PAK2: variants seen among roughly 807,000 people sequenced by gnomAD.
The protein encoded by PAK2 is serine/threonine-protein kinase PAK 2.
A neutral mutation model predicts 65.9 loss-of-function variants in PAK2; 21 were observed. The ratio of observed to expected loss-of-function variants is 0.32; its 90% confidence interval spans 0.23 to 0.46. The LOEUF is 0.46. Among genes scored for constraint, PAK2 ranks in the 20% least tolerant of loss-of-function variants. The probability of loss-of-function intolerance (pLI) is 1.00; values close to 1 mark genes in which losing one functional copy is unlikely to be tolerated. For missense variants in PAK2, 324 were observed against 642.6 expected, an observed-to-expected ratio of 0.50 and a Z score of 5.36; for synonymous variants, 204 against 219.7, an observed-to-expected ratio of 0.93 and a Z score of 0.63.
In PAK2 at chr3:196,791,561, CCTT is replaced by C. The variant is rs530823471; in HGVS notation, c.187+8732_187+8734del. Among the ~76,000 whole-genome samples, 4 of 152,130 alleles carry C rather than the reference CCTT, an allele frequency of 2.6e-5. No homozygotes were observed. The South Asian group carries it at 8.3e-4, about 31-fold the overall frequency. ...TCTTGCTAGATATGTTATCTCTCACCCTTCTTTTTATATTTTTTTCTTATTTTA... is the reference window on the plus strand; with the variant it reads ...TCTTGCTAGATATGTTATCTCTCACCCTTTTTATATTTTTTTCTTATTTTA... On this transcript the variant is annotated intron_variant, in intron 2 of 14. Coordinates refer to ENST00000327134, the MANE Select transcript of PAK2 (RefSeq NM_002577.4). This position sits in a 1 kb window ranked among gnomAD's most constrained non-coding sequence, Gnocchi z 4.0.
chr3:196,779,816 G>A (rs879898440), intron 1 of PAK2, among the ~76,000 whole-genome samples: 5 of 152,114 alleles, frequency 3.3e-5, no homozygotes, highest in African/African-American at 7.2e-5. Context: ...GACTACAGGC[G>A]TGCGCCACCA....
intron 3 of PAK2, 146 bp from the exon 4 acceptor site, chr3:196,802,871 C>A: frequency 3.8e-6 from 2 of 520,444 alleles, no homozygotes; most frequent in South Asian, 6.6e-5. Flanking sequence ...AAAAAATAGA[C>A]CTTTAGAAAA....
chr3:196,807,164 AAG>A (rs1419032074), intron 6 of PAK2, among the ~76,000 whole-genome samples: 1 of 152,180 alleles, frequency 6.6e-6, no homozygotes, highest in African/African-American at 2.4e-5. Context: ...TGGAGCCAGG[AAG>A]AGAGGAATGA....
At position 196,824,727 on chromosome 3, in the gene PAK2, TC is replaced by T. The variant is rs1711772270; in HGVS notation, c.1351-2466del. Among the ~76,000 whole-genome samples the T allele has an allele frequency of 2.6e-5, 4 of 151,838 alleles. No individual in the cohort carries two copies. In the South Asian group the frequency reaches 8.3e-4, roughly 32 times the overall value. ...TAGGCACGGTGGTGCACACCTGTAG[TC>T]CCTGCTGCTTGAAAGGCTGAAGCAG... is the stretch of plus-strand genomic sequence containing the variant. On this transcript the variant is annotated intron_variant, in intron 13 of 14. Coordinates refer to ENST00000327134, the MANE Select transcript of PAK2 (RefSeq NM_002577.4).
chr3:196,825,247 G>A (rs1421310549), intron 13 of PAK2, among the ~76,000 whole-genome samples: 3 of 151,792 alleles, frequency 2.0e-5, no homozygotes, highest in African/African-American at 7.3e-5. Flanking sequence ...TCGGGAGGCT[G>A]AGCTGCAAGA....
intron 2 of PAK2, among the ~76,000 whole-genome samples, chr3:196,784,223 C>CTTTTTTTTT (rs869153119): frequency 8.5e-6 from 1 of 117,748 alleles, no homozygotes; most frequent in Non-Finnish European, 1.9e-5. Context: ...TTTTTTTTTT[C>CTTTTTTTTT]TTTTTTTTTT....
chr3:196,743,342 A>C (rs570812144), intron 1 of PAK2, among the ~76,000 whole-genome samples: 5 of 152,232 alleles, frequency 3.3e-5, no homozygotes, highest in Admixed American at 1.3e-4. Flanking sequence ...TTGCTGTTCT[A>C]CTTTACCCTG....
intron 1 of PAK2, among the ~76,000 whole-genome samples, chr3:196,769,772 A>T (rs975159838): frequency 6.6e-6 from 1 of 151,852 alleles, no homozygotes; most frequent in African/African-American, 2.4e-5. Flanking sequence ...AGCTGAGATC[A>T]TGCCACTGCA....
At chr3:196,745,202 C>T (rs1394952692) in intron 1 of PAK2, among the ~76,000 whole-genome samples, 2 of 151,198 alleles carry the variant, frequency 1.3e-5, no homozygotes. Context: ...GCAACTTCCG[C>T]CTCCCGGGTT....
chr3:196,774,031 C>CA (rs951178196), intron 1 of PAK2, among the ~76,000 whole-genome samples: 32 of 151,110 alleles, frequency 2.1e-4, no homozygotes, highest in South Asian at 8.4e-4. Context: ...GACTCCGTCT[C>CA]AAAAAAAAAC....
At chr3:196,745,017 T>C (rs1164322650) in intron 1 of PAK2, among the ~76,000 whole-genome samples, 1 of 152,122 alleles carries the variant, frequency 6.6e-6, no homozygotes, top group Non-Finnish European at 1.5e-5. Flanking sequence ...GTAATAGATA[T>C]TAATCTATTG....
At chr3:196,810,893 G>A (rs546258369) in intron 8 of PAK2, among the ~76,000 whole-genome samples, 28 of 151,996 alleles carry the variant, frequency 1.8e-4, no homozygotes, top group African/African-American at 6.0e-4. Context: ...TCCCATCTGT[G>A]ATAATTAGAG....
At chr3:196,747,924 T>C (rs1012173545) in intron 1 of PAK2, among the ~76,000 whole-genome samples, 3 of 152,136 alleles carry the variant, frequency 2.0e-5, no homozygotes, top group African/African-American at 7.2e-5. Context: ...GAGGCCATAT[T>C]TGAAAGAGAT....
intron 4 of PAK2, among the ~76,000 whole-genome samples, chr3:196,804,844 T>TATC (rs1553807557): frequency 1.8e-5 from 2 of 113,612 alleles, no homozygotes; most frequent in Admixed American, 9.1e-5. Context: ...TATATATATA[T>TATC]ACACACACAC....
chr3:196,744,603 G>A lies in PAK2; in HGVS notation c.-22+4446G>A, dbSNP rs74902417. 2.1e-3 allele frequency among the ~76,000 whole-genome samples: 310 copies of A among 150,216 alleles called. 1 individual carries two copies. Among genetic ancestry groups the A allele is most frequent in the African/African-American group, 7.2e-3 (293 of 40,914 alleles). On this transcript the variant is annotated intron_variant, in intron 1 of 14. Coordinates refer to ENST00000327134, the MANE Select transcript of PAK2 (RefSeq NM_002577.4). ...TCCCATTCCTTAGAAGTACCTACCC[G>A]CTGTTAATAGTTTTACTTACTGAGT...
At chr3:196,780,816 G>A (rs1714682913) in intron 1 of PAK2, among the ~76,000 whole-genome samples, 1 of 152,112 alleles carries the variant, frequency 6.6e-6, no homozygotes, top group African/African-American at 2.4e-5. Flanking sequence ...TTGAGACAGA[G>A]TCTTGCTTTG....
chr3:196,768,766 A>G (rs1401341987), intron 1 of PAK2, among the ~76,000 whole-genome samples: 1 of 151,730 alleles, frequency 6.6e-6, no homozygotes, highest in East Asian at 1.9e-4. Context: ...CATGAGTTCA[A>G]GCGATTCTCC....
rs73892970 is a variant in PAK2, at chr3:196,772,450, A to G, written c.-21-10176A>G. On this transcript the variant is annotated intron_variant, in intron 1 of 14. Coordinates refer to ENST00000327134, the MANE Select transcript of PAK2 (RefSeq NM_002577.4). ...ATTTTACTAGCCCATCCATGCATTT[A>G]AAAAGACTTGATACGTTATCCAGAC... Among the ~76,000 whole-genome samples the G allele has an allele frequency of 4.9e-3, 752 of 152,302 alleles. 9 individuals carry two copies. The highest frequency in any genetic ancestry group is 0.017 in the African/African-American group (687 of 41,560).
At chr3:196,795,786 C>T (rs1715240361) in intron 2 of PAK2, among the ~76,000 whole-genome samples, 1 of 152,182 alleles carries the variant, frequency 6.6e-6, no homozygotes, top group South Asian at 2.1e-4. Flanking sequence ...CTAAGCCCTT[C>T]AGGCAGAAGG....
Sources: gnomAD v4.1 joint callset for allele counts (sites outside exome capture counted in the v4.1 genomes callset) on GRCh38, gnomAD v4.1.1 for gene constraint, Gnocchi (gnomAD v3.1) non-coding constraint, MANE v1.5 for transcripts, NCBI Gene and HGNC (gene_info 2026-07-23, HGNC 2026-07-21) for gene names.